RGS9: variants seen among roughly 807,000 people sequenced by gnomAD.
The protein encoded by RGS9 is regulator of G-protein signalling 9.
RGS9 carries 78 observed loss-of-function variants against 102.0 expected under a neutral mutation model. That is an observed-to-expected ratio of 0.76 (90% confidence interval 0.64 to 0.92). RGS9 has a LOEUF of 0.92. RGS9 is among the 40% of genes least tolerant of loss of function. The probability of loss-of-function intolerance (pLI) is 0.00; values close to 1 mark genes in which losing one functional copy is unlikely to be tolerated. For missense variants in RGS9, 833 were observed against 866.1 expected, an observed-to-expected ratio of 0.96 and a Z score of 0.48; for synonymous variants, 353 against 318.6, an observed-to-expected ratio of 1.11 and a Z score of -1.15.
At chr17:65,182,043 A>G (rs1429280230) in intron 9 of RGS9, among the ~76,000 whole-genome samples, 1 of 152,146 alleles carries the variant, frequency 6.6e-6, no homozygotes, top group African/African-American at 2.4e-5. Context: ...TTAGAGGTGG[A>G]AGGAGGGGTT....
Position 65,162,957 on chromosome 17 carries a change from C to T in RGS9, c.424-56C>T, listed in dbSNP as rs369897434. 427 of 951,844 alleles carry T rather than the reference C, an allele frequency of 4.5e-4. 1 individual carries two copies. Among genetic ancestry groups the T allele is most frequent in the East Asian group, 1.3e-4 (5 of 38,408 alleles). The allele number at this position is 951,844 out of a possible 1,614,324, so 59.0% of individuals were successfully genotyped here. ...TGCTGACTTAGAGTTTGTTGCCCTG[C>T]GGCACATGGCATATGTCTTGGGGCT... On this transcript the variant is annotated intron_variant, in intron 6 of 18. Coordinates refer to ENST00000262406, the MANE Select transcript of RGS9 (RefSeq NM_003835.4).
chr17:65,211,370 G>C (rs1913292140), intron 17 of RGS9, among the ~76,000 whole-genome samples: 2 of 152,174 alleles, frequency 1.3e-5, no homozygotes, highest in Admixed American at 1.3e-4. Context: ...GTCCATGCTG[G>C]GGAAATAAGC....
intron 8 of RGS9, among the ~76,000 whole-genome samples, chr17:65,169,897 C>G (rs981116340): frequency 6.6e-6 from 1 of 151,960 alleles, no homozygotes; most frequent in Non-Finnish European, 1.5e-5. Context: ...TCTCCCTGAC[C>G]TCTACCACCT....
Position 65,190,239 on chromosome 17 carries a change from A to G in RGS9, c.746+3A>G, listed in dbSNP as rs1271650681. On this transcript the variant is annotated splice_donor_region_variant and intron_variant, in intron 11 of 18. Coordinates refer to ENST00000262406, the MANE Select transcript of RGS9 (RefSeq NM_003835.4). Reference sequence around the variant, plus strand: ...AAGTCTTCTGTGTCCCTGGGAGGGTATGTCCCTGATTTGTTGATCTTGCTA... The same window carrying G: ...AAGTCTTCTGTGTCCCTGGGAGGGTGTGTCCCTGATTTGTTGATCTTGCTA... The G allele has an allele frequency of 6.2e-7, 1 of 1,610,994 alleles. No homozygotes were observed. Among genetic ancestry groups the G allele is most frequent in the African/African-American group, 1.3e-5 (1 of 74,888 alleles).
intron 17 of RGS9, among the ~76,000 whole-genome samples, chr17:65,222,378 G>T (rs1913732216): frequency 6.6e-6 from 1 of 152,188 alleles, no homozygotes; most frequent in Admixed American, 6.5e-5. Context: ...TCATCACATA[G>T]CCTGACTGGG....
chr17:65,219,861 TATCACCATCATACCATC>T (rs1180418346), intron 17 of RGS9, among the ~76,000 whole-genome samples: 1 of 151,180 alleles, frequency 6.6e-6, no homozygotes, highest in Non-Finnish European at 1.5e-5. Flanking sequence ...TCACCATCAC[TATCACCATCATACCATC>T]ATCACCATCA....
In RGS9 at chr17:65,204,340, GCTTT is replaced by G. The variant is rs757746936; in HGVS notation, c.1203+42_1203+45del. 1.5e-5 allele frequency: 24 copies of G among 1,610,700 alleles called. No homozygotes were observed. The African/African-American group carries it at 2.1e-4, about 14-fold the overall frequency. ...TGCTGTGGATACGGGGTCCAGATAG[GCTTT>G]CTGTCACTAAGTACCCGGAAAATTC... is the stretch of plus-strand genomic sequence containing the variant. On this transcript the variant is annotated intron_variant, in intron 15 of 18. Coordinates refer to ENST00000262406, the MANE Select transcript of RGS9 (RefSeq NM_003835.4).
Position 65,168,230 on chromosome 17 carries a change from A to G in RGS9, c.531A>G (p.Arg177=), listed in dbSNP as rs1339528266. Residue 177 remains arginine, a synonymous_variant, in exon 8 of 19, where the codon AGA becomes AGG. Coordinates refer to ENST00000262406, the MANE Select transcript of RGS9 (RefSeq NM_003835.4). ...GAAAGGAGAGGAACAAAGCAGACAGATATGCCCTGGACTGCCAGGAGAAGG... is the reference window on the plus strand; with the variant it reads ...GAAAGGAGAGGAACAAAGCAGACAGGTATGCCCTGGACTGCCAGGAGAAGG... ...RAGKERNKAD[R]YALDCQEKAY... The G allele has an allele frequency of 1.2e-6, 2 of 1,611,512 alleles. No individual in the cohort carries two copies. The highest frequency in any genetic ancestry group is 2.2e-5 in the South Asian group (2 of 90,174).
chr17:65,149,276 A>T (rs1158879455), intron 1 of RGS9, among the ~76,000 whole-genome samples: 1 of 152,122 alleles, frequency 6.6e-6, no homozygotes, highest in East Asian at 1.9e-4. Flanking sequence ...ACCGGGCCTG[A>T]TGCTATTGCA....
intron 11 of RGS9, among the ~76,000 whole-genome samples, chr17:65,191,111 TA>T (rs1322808757): frequency 6.6e-6 from 1 of 152,226 alleles, no homozygotes; most frequent in Admixed American, 6.5e-5. Flanking sequence ...CTGCTGCTGC[TA>T]AGCCCTGATC....
At chr17:65,162,864 C>G (rs1397862247) in intron 6 of RGS9, 149 bp from the exon 7 acceptor site, 1 of 651,788 alleles carries the variant, frequency 1.5e-6, no homozygotes, top group East Asian at 2.9e-5. Context: ...TGAGTGAACA[C>G]CATGGTAAAA....
chr17:65,172,223 TG>T, intron 8 of RGS9, among the ~76,000 whole-genome samples: 1 of 152,344 alleles, frequency 6.6e-6, no homozygotes, highest in Non-Finnish European at 1.5e-5. Flanking sequence ...TGTTGTTTTT[TG>T]TTTGTTTTTG....
chr17:65,197,286 GAA>G lies in RGS9; in HGVS notation c.976+47_976+48del, dbSNP rs1278388270. On this transcript the variant is annotated intron_variant, in intron 13 of 18. Coordinates refer to ENST00000262406, the MANE Select transcript of RGS9 (RefSeq NM_003835.4). ...AAAAAATTAAAATAACTTACTTTTA[GAA>G]AGAGTCCTTTAATGTCTAGCCTAGG... The G allele has an allele frequency of 3.1e-6, 4 of 1,272,306 alleles. No homozygotes were observed. The Admixed American group carries it at 7.6e-5, about 24-fold the overall frequency. 78.8% of individuals were successfully genotyped at this position (1,272,306 alleles called of 1,614,324 possible).
At chr17:65,218,896 C>A (rs1457346544) in intron 17 of RGS9, among the ~76,000 whole-genome samples, 1 of 152,206 alleles carries the variant, frequency 6.6e-6, no homozygotes, top group Non-Finnish European at 1.5e-5. Flanking sequence ...AGAGAGACAC[C>A]CTTGCGGCAT....
At chr17:65,197,708 C>T (rs1386418697) in intron 13 of RGS9, among the ~76,000 whole-genome samples, 2 of 151,066 alleles carry the variant, frequency 1.3e-5, no homozygotes, top group Non-Finnish European at 3.0e-5. Flanking sequence ...CTTGCTGTGT[C>T]GCCCAGCCTG....
chr17:65,197,763 T>C (rs562533449), intron 13 of RGS9, among the ~76,000 whole-genome samples: 1 of 151,492 alleles, frequency 6.6e-6, no homozygotes, highest in Admixed American at 6.6e-5. Flanking sequence ...TCCGCCTCCC[T>C]AGTTCAAGCG....
intron 17 of RGS9, 113 bp from the exon 18 acceptor site, chr17:65,224,875 AGGCAGCCATATCAG>A (rs1257546840): frequency 1.8e-4 from 225 of 1,277,220 alleles, no homozygotes; most frequent in Non-Finnish European, 2.4e-4. Context: ...GCTCCCTAGG[AGGCAGCCATATCAG>A]GCCCGCACTC....
intron 15 of RGS9, among the ~76,000 whole-genome samples, chr17:65,205,578 A>G (rs1419648922): frequency 6.6e-6 from 1 of 151,952 alleles, no homozygotes; most frequent in Non-Finnish European, 1.5e-5. Flanking sequence ...ATATGAGATT[A>G]TATGACATAG....
chr17:65,188,984 AGGC>A, intron 9 of RGS9: 1 of 459,342 alleles, frequency 2.2e-6, no homozygotes, highest in Non-Finnish European at 4.0e-6. Context: ...ATCATTCTGT[AGGC>A]ACTATGCTAA....
Sources: allele counts gnomAD v4.1 joint callset (sites outside exome capture counted in the v4.1 genomes callset), GRCh38; gene constraint gnomAD v4.1.1; transcripts MANE v1.5; gene names NCBI Gene and HGNC (gene_info 2026-07-23, HGNC 2026-07-21).